PEBP4: variants seen among roughly 807,000 people sequenced by gnomAD.
PEBP4 encodes the protein phosphatidylethanolamine-binding protein 4.
In PEBP4, 22 loss-of-function variants were observed where a neutral mutation model predicts 23.9. That is an observed-to-expected ratio of 0.92 (90% CI 0.66 to 1.31). The LOEUF (loss-of-function observed/expected upper bound fraction) is 1.31, where lower values mean the gene tolerates loss of function less well. Among genes scored for constraint, PEBP4 ranks in the 40% most tolerant of loss-of-function variants. The probability of loss-of-function intolerance (pLI) is 0.00; values close to 1 mark genes in which losing one functional copy is unlikely to be tolerated. For synonymous variants in PEBP4, 112 were observed against 99.3 expected (o/e 1.13, Z -0.76); for missense variants, 324 against 281.7 (o/e 1.15, Z -1.07).
intron 4 of PEBP4, among the ~76,000 whole-genome samples, chr8:22,735,993 T>C (rs2128749849): frequency 6.6e-6 from 1 of 152,364 alleles, no homozygotes; most frequent in East Asian, 1.9e-4. Context: ...ATCCTTCTTT[T>C]CTTTGCATTT....
At chr8:22,876,456 T>C (rs1215709252) in intron 3 of PEBP4, among the ~76,000 whole-genome samples, 2 of 152,220 alleles carry the variant, frequency 1.3e-5, no homozygotes, top group Admixed American at 6.5e-5. Flanking sequence ...ATTCTTCCAG[T>C]GCTCAGGATT....
At chr8:22,818,217 G>A (rs79641348) in intron 3 of PEBP4, among the ~76,000 whole-genome samples, 5,811 of 152,288 alleles carry the variant, frequency 0.038, 318 homozygotes, top group African/African-American at 0.11. Flanking sequence ...AACACCTACT[G>A]TGTGCCAGAA....
chr8:22,909,176 G>A (rs1289355513), intron 3 of PEBP4, among the ~76,000 whole-genome samples: 3 of 152,070 alleles, frequency 2.0e-5, no homozygotes, highest in African/African-American at 2.4e-5. Context: ...CCCTGGTGTC[G>A]GCTCTTCCCA....
intron 3 of PEBP4, among the ~76,000 whole-genome samples, chr8:22,912,400 A>G (rs982926440): frequency 1.2e-4 from 19 of 152,320 alleles, no homozygotes; most frequent in Middle Eastern, 3.4e-3. Flanking sequence ...GCTCCAGTGA[A>G]TACATGAATG....
At chr8:22,781,344 G>A (rs926115528) in intron 4 of PEBP4, among the ~76,000 whole-genome samples, 2 of 152,326 alleles carry the variant, frequency 1.3e-5, no homozygotes, top group African/African-American at 4.8e-5. Flanking sequence ...AGCAGGCACC[G>A]GGGCTGGGAG....
chr8:22,793,760 C>G (rs1563218085), intron 4 of PEBP4, among the ~76,000 whole-genome samples: 1 of 152,020 alleles, frequency 6.6e-6, no homozygotes, highest in Non-Finnish European at 1.5e-5. Context: ...CACGCCCTGC[C>G]TTATTTTGAT....
chr8:22,819,211 G>A (rs1195138112), intron 3 of PEBP4, among the ~76,000 whole-genome samples: 1 of 152,154 alleles, frequency 6.6e-6, no homozygotes, highest in Non-Finnish European at 1.5e-5. Flanking sequence ...GGAGAATCAG[G>A]GAAAGGGGAC....
At chr8:22,734,541 G>A (rs1804815010) in intron 4 of PEBP4, among the ~76,000 whole-genome samples, 1 of 152,198 alleles carries the variant, frequency 6.6e-6, no homozygotes, top group Non-Finnish European at 1.5e-5. Flanking sequence ...ACAGCTTGGT[G>A]AATATCATCT....
chr8:22,884,442 G>A (rs561092473), intron 3 of PEBP4: 2 of 152,322 alleles, frequency 1.3e-5, no homozygotes, highest in East Asian at 3.9e-4. Context: ...GTCAGGATGT[G>A]CATTCTTCTC....
chr8:22,936,598 C>T (rs1262067633), intron 1 of PEBP4, among the ~76,000 whole-genome samples: 1 of 152,178 alleles, frequency 6.6e-6, no homozygotes, highest in Non-Finnish European at 1.5e-5. Context: ...CTGACTCACT[C>T]TGTGAAGCCA....
chr8:22,868,020 C>A (rs1181022890), intron 3 of PEBP4, among the ~76,000 whole-genome samples: 1 of 152,182 alleles, frequency 6.6e-6, no homozygotes, highest in Non-Finnish European at 1.5e-5. Flanking sequence ...CCCAGCCCGG[C>A]TGGCAGGGGT....
Position 22,782,946 on chromosome 8 carries a change from C to T in PEBP4, c.357+34691G>A, listed in dbSNP as rs182582432. On this transcript the variant is annotated intron_variant, in intron 4 of 6. Transcript: ENST00000256404. ...CAGGGAAGACGACTAGCTCCCTCAG[C>T]TTTCCTGCCCAGACCCATAATAGGG... Among the ~76,000 whole-genome samples the T allele has an allele frequency of 3.2e-3, 480 of 152,340 alleles. 2 individuals are homozygous for T. Among genetic ancestry groups the T allele is most frequent in the Admixed American group, 0.011 (164 of 15,300 alleles).
At chr8:22,940,196 T>G (rs1237045901) in intron 1 of PEBP4, among the ~76,000 whole-genome samples, 2 of 152,196 alleles carry the variant, frequency 1.3e-5, no homozygotes, top group African/African-American at 4.8e-5. Flanking sequence ...GAAATGGGGA[T>G]CCTTCTTCCT....
At chr8:22,800,061 G>A (rs1334322581) in intron 4 of PEBP4, among the ~76,000 whole-genome samples, 2 of 152,188 alleles carry the variant, frequency 1.3e-5, no homozygotes, top group African/African-American at 4.8e-5. Context: ...GTAGGGACAT[G>A]GATGAAGCTG....
chr8:22,777,511 C>A (rs996045541), intron 4 of PEBP4, among the ~76,000 whole-genome samples: 11 of 152,260 alleles, frequency 7.2e-5, no homozygotes, highest in Admixed American at 2.0e-4. Context: ...AATGAGCAGG[C>A]TTCAGCTGAG....
chr8:22,745,362 G>A (rs1223871812), intron 4 of PEBP4, among the ~76,000 whole-genome samples: 1 of 152,196 alleles, frequency 6.6e-6, no homozygotes, highest in Non-Finnish European at 1.5e-5. Context: ...AGTGAGCCCT[G>A]CAGGGATGTG....
chr8:22,713,583 G>C lies in PEBP4; in HGVS notation c.518-47C>G, dbSNP rs199692208. The C allele has an allele frequency of 1.0e-4, 162 of 1,613,174 alleles. No homozygotes were observed. In the African/African-American group the frequency reaches 1.8e-3, roughly 18 times the overall value. ...AGGGAGGCAGTGAGAAAGAGCCATGGACTTGAAAGCTGGCAGGGGCCTGAG... is the reference window on the plus strand; with the variant it reads ...AGGGAGGCAGTGAGAAAGAGCCATGCACTTGAAAGCTGGCAGGGGCCTGAG... On this transcript the variant is annotated intron_variant, in intron 6 of 6. Coordinates refer to ENST00000256404, the MANE Select transcript of PEBP4 (RefSeq NM_144962.3).
At chr8:22,873,156 G>A (rs1294198747) in intron 3 of PEBP4, among the ~76,000 whole-genome samples, 1 of 152,162 alleles carries the variant, frequency 6.6e-6, no homozygotes, top group Non-Finnish European at 1.5e-5. Flanking sequence ...CCCGAAGCTG[G>A]TACAGTTATT....
At chr8:22,820,352 C>T (rs1472426592) in intron 3 of PEBP4, among the ~76,000 whole-genome samples, 6 of 151,988 alleles carry the variant, frequency 3.9e-5, no homozygotes, top group Non-Finnish European at 5.9e-5. Context: ...GTGTGGAATA[C>T]GTGGTAGTTG....
Sources: allele counts gnomAD v4.1 joint callset (sites outside exome capture counted in the v4.1 genomes callset), GRCh38; gene constraint gnomAD v4.1.1; transcripts MANE v1.5; gene names NCBI Gene and HGNC (gene_info 2026-07-23, HGNC 2026-07-21).